The following FDFT1 variants were observed in gnomAD, a reference collection of about 807,000 sequenced individuals.
The protein encoded by FDFT1 is farnesyl-diphosphate farnesyltransferase 1, also known as squalene synthase.
A neutral mutation model predicts 46.8 loss-of-function variants in FDFT1; 68 were observed. The ratio of observed to expected loss-of-function variants is 1.45; its 90% CI spans 1.19 to 1.78. The LOEUF is 1.78. FDFT1 is among the 40% of genes most tolerant of loss of function. The pLI is 0.00. For synonymous variants in FDFT1, 351 were observed against 185.1 expected (o/e 1.90, Z -7.28); for missense variants, 928 against 524.4 (o/e 1.77, Z -7.52).
At chr8:11,796,272 G>A (rs1317240851) in intron 1 of FDFT1, among the ~76,000 whole-genome samples, 3 of 152,212 alleles carry the variant, frequency 2.0e-5, no homozygotes, top group Non-Finnish European at 4.4e-5. Context: ...GACTGTTTGT[G>A]TTCTGAGCTT....
chr8:11,803,689 C>G (rs183239578), intron 1 of FDFT1: 77 of 301,106 alleles, frequency 2.6e-4, no homozygotes, highest in African/African-American at 1.7e-3. Context: ...TGGCTGATTT[C>G]TGTAACTTTT....
At chr8:11,824,881 A>G (rs368602024) in intron 4 of FDFT1, among the ~76,000 whole-genome samples, 44 of 151,824 alleles carry the variant, frequency 2.9e-4, no homozygotes, top group Non-Finnish European at 5.7e-4. Flanking sequence ...GACTACAGGC[A>G]CCCGCCACCA....
Position 11,831,286 on chromosome 8 carries a change from T to C in FDFT1, c.880-232T>C, listed in dbSNP as rs560067241. On this transcript the variant is annotated intron_variant, in intron 6 of 7. Coordinates refer to ENST00000220584, the MANE Select transcript of FDFT1 (RefSeq NM_004462.5). ...TAAAATGGAACTTTTGTGGCTACAT[T>C]ATAGAATTGTTTTAGACTGCTTAAT... 1.1e-4 allele frequency among the ~76,000 whole-genome samples: 17 copies of C among 152,364 alleles called. No homozygotes were observed. The South Asian group carries it at 3.1e-3, about 28-fold the overall frequency.
chr8:11,814,182 A>G (rs1479456680), intron 3 of FDFT1, among the ~76,000 whole-genome samples: 1 of 152,172 alleles, frequency 6.6e-6, no homozygotes, highest in Non-Finnish European at 1.5e-5. Context: ...AACCTCTTGT[A>G]GAATCACTGG....
chr8:11,815,700 C>T (rs779138036), intron 3 of FDFT1, among the ~76,000 whole-genome samples: 6 of 152,068 alleles, frequency 3.9e-5, no homozygotes, highest in Non-Finnish European at 1.5e-5. Flanking sequence ...TATCCTTTGC[C>T]CACTTATTGA....
At chr8:11,799,237 C>T (rs369990245), upstream of FDFT1, among the ~76,000 whole-genome samples, 9 of 152,322 alleles carry the variant, frequency 5.9e-5, no homozygotes, top group South Asian at 1.4e-3. Context: ...GGTCGGCGGT[C>T]TTATCAGGAG....
chr8:11,809,085 C>G (rs1225331179), intron 2 of FDFT1, 194 bp downstream of exon 2: 2 of 1,259,006 alleles, frequency 1.6e-6, no homozygotes, highest in Non-Finnish European at 2.1e-6. Context: ...AGAGTCCCTG[C>G]GGGCCCAGCC....
At chr8:11,811,183 G>T (rs889472182) in intron 3 of FDFT1, among the ~76,000 whole-genome samples, 1 of 152,192 alleles carries the variant, frequency 6.6e-6, no homozygotes, top group Non-Finnish European at 1.5e-5. Flanking sequence ...CTGGTGATTT[G>T]ACTCTCACAG....
At position 11,825,692 on chromosome 8, in the gene FDFT1, AAAAAT is replaced by A. The variant is rs1332930424; in HGVS notation, c.511-327_511-323del. Among the ~76,000 whole-genome samples the A allele has an allele frequency of 6.0e-5, 9 of 151,028 alleles. 1 individual carries two copies. The highest frequency in any genetic ancestry group is 2.2e-4 in the African/African-American group (9 of 41,354). On this transcript the variant is annotated intron_variant, in intron 4 of 7. Transcript: ENST00000220584. ...AATATATGAGACTCCATCTCAAAAA[AAAAAT>A]AAAAAATAAAAATAAAAAAATGTTT...
chr8:11,813,775 C>G (rs898071985), intron 3 of FDFT1, among the ~76,000 whole-genome samples: 1 of 152,138 alleles, frequency 6.6e-6, no homozygotes, highest in Non-Finnish European at 1.5e-5. Context: ...TAGAAATCTA[C>G]TGTGTTGTGA....
chr8:11,835,709 A>G (rs1586016224), intron 7 of FDFT1, among the ~76,000 whole-genome samples: 1 of 152,216 alleles, frequency 6.6e-6, no homozygotes, highest in African/African-American at 2.4e-5. Flanking sequence ...AGTAAAATGA[A>G]GAAATAAAGT....
intron 5 of FDFT1, among the ~76,000 whole-genome samples, chr8:11,829,157 C>T (rs1440579606): frequency 6.6e-6 from 1 of 151,268 alleles, no homozygotes; most frequent in Non-Finnish European, 1.5e-5. Flanking sequence ...TTGTTGTTAT[C>T]TCTTTTTAAC....
At chr8:11,802,411 A>G (rs746417274), upstream of FDFT1, 3 of 457,478 alleles carry the variant, frequency 6.6e-6, no homozygotes, top group South Asian at 3.1e-5. Flanking sequence ...CCTAAGCCCC[A>G]CCGCCTCACC....
At chr8:11,811,957 G>C (rs1213532089) in intron 3 of FDFT1, among the ~76,000 whole-genome samples, 5 of 152,326 alleles carry the variant, frequency 3.3e-5, no homozygotes, top group East Asian at 1.9e-4. Flanking sequence ...TGCTGATATA[G>C]CTCAGTATGT....
At chr8:11,829,302 T>C (rs191543650) in intron 5 of FDFT1, among the ~76,000 whole-genome samples, 21 of 152,354 alleles carry the variant, frequency 1.4e-4, no homozygotes, top group Non-Finnish European at 2.8e-4. Flanking sequence ...CAACACTATG[T>C]TTCCAGAACT....
chr8:11,803,021 A>C, intron 1 of FDFT1, 90 bp downstream of exon 1: 1 of 1,509,892 alleles, frequency 6.6e-7, no homozygotes, highest in Non-Finnish European at 8.9e-7. Context: ...GATCTGGGGC[A>C]AGGGGCGCGG....
chr8:11,820,309 C>G (rs1809047095), intron 3 of FDFT1, among the ~76,000 whole-genome samples: 1 of 152,178 alleles, frequency 6.6e-6, no homozygotes, highest in Non-Finnish European at 1.5e-5. Flanking sequence ...GGCTCAGGGA[C>G]CCACTTGAGG....
At chr8:11,804,600 CTTTTTTTTTT>C (rs5889385) in intron 1 of FDFT1, among the ~76,000 whole-genome samples, 1 of 97,364 alleles carries the variant, frequency 1.0e-5, no homozygotes, top group Admixed American at 1.4e-4. Flanking sequence ...CTTAGTTTCT[CTTTTTTTTTT>C]TTTTTTTTTT....
At chr8:11,835,201 G>A (rs1811371874) in intron 7 of FDFT1, among the ~76,000 whole-genome samples, 1 of 152,200 alleles carries the variant, frequency 6.6e-6, no homozygotes, top group Non-Finnish European at 1.5e-5. Context: ...TCCTTGACAA[G>A]CAGATGTAAC....
Sources: allele counts gnomAD v4.1 joint callset (sites outside exome capture counted in the v4.1 genomes callset), GRCh38; gene constraint gnomAD v4.1.1; transcripts MANE v1.5; gene names NCBI Gene and HGNC (gene_info 2026-07-23, HGNC 2026-07-21).